Variants in TTC7B observed in about 807,000 individuals in gnomAD.
TTC7B encodes the protein tetratricopeptide repeat domain 7B.
Under a neutral mutation model 106.8 loss-of-function variants are expected in TTC7B, and 28 were observed. The observed-to-expected ratio is 0.26, with a 90% CI of 0.19 to 0.36. The LOEUF is 0.36. Ranked by LOEUF, TTC7B falls within the 10% of genes least tolerant of loss-of-function variation. The pLI, the probability that TTC7B is intolerant of heterozygous loss-of-function variation, is 1.00. For missense variants in TTC7B, 862 were observed against 1,076.4 expected (o/e 0.80, Z 2.79); for synonymous variants, 405 against 430.6 (o/e 0.94, Z 0.74).
chr14:90,815,150 C>G (rs2031099293), intron 1 of TTC7B, among the ~76,000 whole-genome samples: 1 of 152,228 alleles, frequency 6.6e-6, no homozygotes, highest in South Asian at 2.1e-4. Context: ...CCAACATGTG[C>G]TCACTGGGCC....
chr14:90,797,932 G>T (rs1173200287), intron 1 of TTC7B, among the ~76,000 whole-genome samples: 2 of 152,174 alleles, frequency 1.3e-5, no homozygotes, highest in African/African-American at 2.4e-5. Flanking sequence ...TGGTGGCCTG[G>T]CTGTACGAAA....
At chr14:90,731,996 G>T (rs1034819691) in intron 4 of TTC7B, among the ~76,000 whole-genome samples, 3 of 151,808 alleles carry the variant, frequency 2.0e-5, no homozygotes, top group Non-Finnish European at 2.9e-5. Context: ...GCACAAAAAA[G>T]AAAATAAAAA....
At chr14:90,698,151 T>A (rs1887836589) in intron 5 of TTC7B, 1 of 152,246 alleles carries the variant, frequency 6.6e-6, no homozygotes, top group African/African-American at 2.4e-5. Context: ...CTTCCAAACA[T>A]GTTTAAATCA....
At chr14:90,701,279 T>C (rs1317812575) in intron 5 of TTC7B, among the ~76,000 whole-genome samples, 1 of 152,156 alleles carries the variant, frequency 6.6e-6, no homozygotes. Flanking sequence ...CAATTGAGGC[T>C]TCCTCGTGAC....
At position 90,527,767 on chromosome 14, in the gene TTC7B, G is replaced by A. The variant is rs1033261965; in HGVS notation, c.*13601C>T. On this transcript the variant is annotated 3_prime_UTR_variant, in exon 20 of 20. Coordinates refer to ENST00000328459, the MANE Select transcript of TTC7B (RefSeq NM_001010854.2). ...GTAGAGATGGGCTTTCACCGTGTTA[G>A]CCAGGATGGTCTTGATCTCCTGACC... 1 of 151,768 alleles carries A rather than the reference G, an allele frequency of 6.6e-6. No individual in the cohort carries two copies. Among genetic ancestry groups the A allele is most frequent in the Non-Finnish European group, 1.5e-5 (1 of 67,958 alleles). 9.4% of individuals were successfully genotyped at this position (151,768 alleles called of 1,614,324 possible). A position where few individuals can be genotyped will look rare whatever the true frequency, so the allele number is the denominator to read the frequency against.
chr14:90,678,520 C>T (rs575089559), intron 8 of TTC7B, among the ~76,000 whole-genome samples: 2 of 152,326 alleles, frequency 1.3e-5, no homozygotes, highest in South Asian at 2.1e-4. Flanking sequence ...AAGGCAATTT[C>T]ATTTAGATTT....
intron 17 of TTC7B, among the ~76,000 whole-genome samples, chr14:90,595,120 T>C (rs984277618): frequency 6.6e-6 from 1 of 151,372 alleles, no homozygotes; most frequent in Non-Finnish European, 1.5e-5. Context: ...GATCAGGAGG[T>C]CAGGAGATCG....
intron 1 of TTC7B, among the ~76,000 whole-genome samples, chr14:90,809,686 G>A (rs1359340197): frequency 2.0e-5 from 3 of 152,234 alleles, no homozygotes; most frequent in African/African-American, 7.2e-5. Context: ...ACTTACACCT[G>A]TTCCAACTGC....
At chr14:90,745,494 C>T (rs1335437744) in intron 3 of TTC7B, among the ~76,000 whole-genome samples, 1 of 152,036 alleles carries the variant, frequency 6.6e-6, no homozygotes, top group Admixed American at 6.6e-5. Flanking sequence ...TATTAAGAAT[C>T]AATGTTGGAT....
intron 3 of TTC7B, among the ~76,000 whole-genome samples, chr14:90,748,884 C>T (rs1398995173): frequency 6.6e-6 from 1 of 152,106 alleles, no homozygotes; most frequent in African/African-American, 2.4e-5. Context: ...ATTCATATTT[C>T]CTCCTGGTAT....
At chr14:90,774,438 G>T (rs139391800) in intron 3 of TTC7B, among the ~76,000 whole-genome samples, 2,839 of 152,300 alleles carry the variant, frequency 0.019, 40 homozygotes, top group Middle Eastern at 0.041. Context: ...TGCATACACC[G>T]TTTACCCCTC....
intron 3 of TTC7B, among the ~76,000 whole-genome samples, chr14:90,774,169 C>T (rs1049269845): frequency 1.3e-5 from 2 of 152,060 alleles, no homozygotes; most frequent in Admixed American, 1.3e-4. Context: ...CAACAAGAAC[C>T]CGACCGAGAT....
chr14:90,763,349 AAACTAGAAATAGAAAAG>A (rs1382573813), intron 3 of TTC7B, among the ~76,000 whole-genome samples: 2 of 152,234 alleles, frequency 1.3e-5, no homozygotes, highest in African/African-American at 4.8e-5. Flanking sequence ...AACACTCAAC[AAACTAGAAATAGAAAAG>A]AGCTTCTTCA....
intron 19 of TTC7B, among the ~76,000 whole-genome samples, chr14:90,554,069 T>C (rs562819112): frequency 6.6e-6 from 1 of 152,332 alleles, no homozygotes; most frequent in Admixed American, 6.5e-5. Flanking sequence ...CTCACAGACT[T>C]GGCCCCCCAT....
intron 3 of TTC7B, among the ~76,000 whole-genome samples, chr14:90,774,472 T>C (rs1232602518): frequency 1.3e-5 from 2 of 152,202 alleles, no homozygotes; most frequent in African/African-American, 4.8e-5. Flanking sequence ...GGCAGGAGCT[T>C]AGGCCCTGCC....
chr14:90,758,711 A>C (rs1165983279), intron 3 of TTC7B, among the ~76,000 whole-genome samples: 1 of 152,136 alleles, frequency 6.6e-6, no homozygotes, highest in Admixed American at 6.5e-5. Context: ...ACGCAAACTA[A>C]GGCACCTCCC....
At chr14:90,546,154 C>T (rs1157846127) in intron 19 of TTC7B, among the ~76,000 whole-genome samples, 1 of 152,204 alleles carries the variant, frequency 6.6e-6, no homozygotes, top group African/African-American at 2.4e-5. Context: ...CAGTCAGAGC[C>T]ACTGCCTGGA....
In TTC7B at chr14:90,780,862, A is replaced by C; in HGVS notation, c.321T>G (p.Asn107Lys). 6.2e-7 allele frequency: 1 copy of C among 1,614,224 alleles called. No individual in the cohort carries two copies. The highest frequency in any genetic ancestry group is 8.5e-7 in the Non-Finnish European group (1 of 1,180,032). ...CTTCTTTATAATCACCTTCCACATAATTCAACTTGGCCATGATCAGATTGG... is the reference window on the plus strand; with the variant it reads ...CTTCTTTATAATCACCTTCCACATACTTCAACTTGGCCATGATCAGATTGG... ...QESNLIMAKL[N>K]YVEGDYKEAL... Residue 107 changes from asparagine to lysine, a missense_variant, in exon 3 of 20, where the codon AAT becomes AAG. Coordinates refer to ENST00000328459, the MANE Select transcript of TTC7B (RefSeq NM_001010854.2).
intron 17 of TTC7B, chr14:90,603,319 C>A: frequency 1.6e-6 from 2 of 1,283,014 alleles, no homozygotes; most frequent in Non-Finnish European, 2.0e-6. Context: ...AACAACAGAT[C>A]AAACCAAAAA....
Sources: allele counts gnomAD v4.1 joint callset (sites outside exome capture counted in the v4.1 genomes callset), GRCh38; gene constraint gnomAD v4.1.1; transcripts MANE v1.5; gene names NCBI Gene and HGNC (gene_info 2026-07-23, HGNC 2026-07-21).